Variants in SLC24A2 observed in about 807,000 individuals in gnomAD.
SLC24A2 encodes the protein sodium/potassium/calcium exchanger 2.
A neutral mutation model predicts 62.0 loss-of-function variants in SLC24A2; 36 were observed. The ratio of observed to expected loss-of-function variants is 0.58; its 90% CI spans 0.44 to 0.77. The LOEUF (loss-of-function observed/expected upper bound fraction) is 0.77, where lower values mean the gene tolerates loss of function less well. Among genes scored for constraint, SLC24A2 ranks in the 30% least tolerant of loss-of-function variants. SLC24A2 has a pLI of 0.00. For missense variants in SLC24A2, 846 were observed against 817.9 expected, an observed-to-expected ratio of 1.03 and a Z score of -0.42; for synonymous variants, 358 against 294.0, an observed-to-expected ratio of 1.22 and a Z score of -2.23.
At chr9:19,952,660 T>C in the SLC24A2 span, among the ~76,000 whole-genome samples, 1 of 82,838 alleles carries the variant, frequency 1.2e-5, no homozygotes, top group South Asian at 6.1e-4. Context: ...TGCCAAGCAT[T>C]TTTTTTTTTT....
the SLC24A2 span, among the ~76,000 whole-genome samples, chr9:20,102,763 G>A: frequency 2.0e-5 from 3 of 152,080 alleles, no homozygotes. Flanking sequence ...CTCCCAGCAT[G>A]AGCGACACAG....
chr9:19,884,630 G>C, the SLC24A2 span, among the ~76,000 whole-genome samples: 1 of 152,012 alleles, frequency 6.6e-6, no homozygotes, highest in Non-Finnish European at 1.5e-5. Context: ...GCTTACAATG[G>C]TTCTATTTAT....
chr9:20,138,954 A>G, the SLC24A2 span, among the ~76,000 whole-genome samples: 2 of 152,230 alleles, frequency 1.3e-5, no homozygotes, highest in African/African-American at 4.8e-5. Context: ...TCAAAAAGAT[A>G]AAATCTGCCT....
chr9:19,788,697 G>C (rs1823252277), intron 1 of SLC24A2, 188 bp downstream of exon 1: 1 of 984,974 alleles, frequency 1.0e-6, no homozygotes, highest in African/African-American at 1.7e-5. Context: ...TAGGAGAGGC[G>C]GGGGCTCCAA....
chr9:19,687,101 G>A (rs918787012), intron 2 of SLC24A2, among the ~76,000 whole-genome samples: 3 of 151,958 alleles, frequency 2.0e-5, no homozygotes, highest in African/African-American at 7.2e-5. Flanking sequence ...ACACAAAGAA[G>A]GGAACAATAA....
intron 2 of SLC24A2, among the ~76,000 whole-genome samples, chr9:19,767,583 G>T (rs1457711176): frequency 6.6e-6 from 1 of 152,098 alleles, no homozygotes; most frequent in African/African-American, 2.4e-5. Context: ...GTGCTTCCCA[G>T]GTAAGGTGAT....
chr9:19,811,305 G>A, the SLC24A2 span, among the ~76,000 whole-genome samples: 1 of 152,230 alleles, frequency 6.6e-6, no homozygotes, highest in East Asian at 1.9e-4. Flanking sequence ...AATAAATTCT[G>A]CTGTTTAGAA....
chr9:19,871,995 T>C, the SLC24A2 span, among the ~76,000 whole-genome samples: 1 of 152,160 alleles, frequency 6.6e-6, no homozygotes. Flanking sequence ...AGTCCTGTGG[T>C]TGTTATATAT....
At chr9:19,733,102 C>T (rs935879493) in intron 2 of SLC24A2, among the ~76,000 whole-genome samples, 11 of 149,544 alleles carry the variant, frequency 7.4e-5, no homozygotes, top group African/African-American at 2.2e-4. Context: ...TTTTTAAACA[C>T]GCTGGGCATG....
At chr9:19,788,837 CGCCACAGCG>C in intron 1 of SLC24A2, 39 bp downstream of exon 1, 1 of 985,434 alleles carries the variant, frequency 1.0e-6, no homozygotes, top group East Asian at 1.1e-4. Flanking sequence ...CGGGGACGAC[CGCCACAGCG>C]GCTACAGCGG....
chr9:20,067,524 C>T, the SLC24A2 span, among the ~76,000 whole-genome samples: 3 of 151,988 alleles, frequency 2.0e-5, no homozygotes, highest in African/African-American at 7.3e-5. Flanking sequence ...AGGTTTTCTA[C>T]TCACACTCTC....
At chr9:20,130,988 A>G in the SLC24A2 span, among the ~76,000 whole-genome samples, 1 of 151,218 alleles carries the variant, frequency 6.6e-6, no homozygotes, top group Non-Finnish European at 1.5e-5. Flanking sequence ...GGCTGGAGGG[A>G]CAGCATTCAC....
chr9:19,746,367 T>C (rs1290172312), intron 2 of SLC24A2, among the ~76,000 whole-genome samples: 2 of 152,142 alleles, frequency 1.3e-5, no homozygotes, highest in South Asian at 2.1e-4. Context: ...AGCCATGACA[T>C]ACAGGAAAAA....
chr9:19,539,384 C>A (rs1242996433), intron 8 of SLC24A2, among the ~76,000 whole-genome samples: 1 of 151,178 alleles, frequency 6.6e-6, no homozygotes, highest in African/African-American at 2.4e-5. Context: ...GAATGTGTCC[C>A]AGAGATTCTG....
At chr9:20,267,861 G>A in the SLC24A2 span, among the ~76,000 whole-genome samples, 1 of 152,130 alleles carries the variant, frequency 6.6e-6, no homozygotes, top group African/African-American at 2.4e-5. Context: ...CGTGTAAGGA[G>A]TGAATGACTT....
At chr9:19,586,676 T>C (rs1304284798) in intron 5 of SLC24A2, among the ~76,000 whole-genome samples, 1 of 152,148 alleles carries the variant, frequency 6.6e-6, no homozygotes, top group Non-Finnish European at 1.5e-5. Context: ...GGTATCAGAC[T>C]GCAGAATATG....
chr9:19,635,407 G>A (rs1312563999), intron 2 of SLC24A2, among the ~76,000 whole-genome samples: 1 of 152,134 alleles, frequency 6.6e-6, no homozygotes, highest in Non-Finnish European at 1.5e-5. Flanking sequence ...CATAGTACAA[G>A]CTTATTGCCC....
the SLC24A2 span, among the ~76,000 whole-genome samples, chr9:20,272,621 A>G: frequency 6.6e-6 from 1 of 152,248 alleles, no homozygotes; most frequent in Admixed American, 6.5e-5. Flanking sequence ...TATAACTCTC[A>G]TATAAACATA....
At chr9:20,010,153 C>G in the SLC24A2 span, among the ~76,000 whole-genome samples, 1 of 152,236 alleles carries the variant, frequency 6.6e-6, no homozygotes, top group Non-Finnish European at 1.5e-5. Context: ...CAAGAAGCAA[C>G]CCAGCCCAAC....
Sources: allele counts gnomAD v4.1 joint callset (sites outside exome capture counted in the v4.1 genomes callset), GRCh38; gene constraint gnomAD v4.1.1; transcripts MANE v1.5; gene names NCBI Gene and HGNC (gene_info 2026-07-23, HGNC 2026-07-21).